LRRC7: variants seen among roughly 807,000 people sequenced by gnomAD.
LRRC7 encodes the protein leucine-rich repeat-containing protein 7.
Under a neutral mutation model 175.7 loss-of-function variants are expected in LRRC7, and 23 were observed. That is an observed-to-expected ratio of 0.13 (90% CI 0.09 to 0.19). The LOEUF (loss-of-function observed/expected upper bound fraction) is 0.19. LRRC7 is among the 10% of genes least tolerant of loss of function. The probability of loss-of-function intolerance (pLI) is 1.00; values close to 1 mark genes in which losing one functional copy is unlikely to be tolerated. For synonymous variants in LRRC7, 685 were observed against 680.9 expected, an observed-to-expected ratio of 1.01 and a Z score of -0.09; for missense variants, 1,354 against 1,904.7, an observed-to-expected ratio of 0.71 and a Z score of 5.38.
intron 2 of LRRC7, among the ~76,000 whole-genome samples, chr1:69,693,650 A>G (rs921295125): frequency 4.6e-5 from 7 of 152,210 alleles, no homozygotes; most frequent in African/African-American, 1.4e-4. Flanking sequence ...CTCATCCAAA[A>G]ACACCCTCAC....
At chr1:69,862,572 C>T (rs1684469720) in intron 7 of LRRC7, among the ~76,000 whole-genome samples, 1 of 152,134 alleles carries the variant, frequency 6.6e-6, no homozygotes, top group African/African-American at 2.4e-5. Flanking sequence ...AGAACAGAGT[C>T]TATTTGCCCT....
chr1:69,991,950 A>C (rs750750396), intron 10 of LRRC7, among the ~76,000 whole-genome samples: 3 of 152,114 alleles, frequency 2.0e-5, no homozygotes, highest in Non-Finnish European at 2.9e-5. Context: ...CTCAATAAAG[A>C]AAAATAAAAG....
At chr1:69,914,053 A>G (rs916400382) in intron 7 of LRRC7, among the ~76,000 whole-genome samples, 1 of 152,192 alleles carries the variant, frequency 6.6e-6, no homozygotes, top group Admixed American at 6.5e-5. Context: ...TTTAAGTGTC[A>G]TTAAGAGAGA....
chr1:69,633,871 T>A (rs1023055975), intron 1 of LRRC7, among the ~76,000 whole-genome samples: 4 of 152,118 alleles, frequency 2.6e-5, no homozygotes, highest in Admixed American at 2.0e-4. Flanking sequence ...ATTATCTTAA[T>A]GTTTGATTTC....
intron 25 of LRRC7, among the ~76,000 whole-genome samples, chr1:70,090,977 C>T (rs1054420386): frequency 2.0e-5 from 3 of 151,924 alleles, no homozygotes; most frequent in African/African-American, 2.4e-5. Context: ...AGAGGTTGGT[C>T]CAAAAGGAAG....
chr1:69,645,882 G>C (rs1306803091), intron 1 of LRRC7, among the ~76,000 whole-genome samples: 1 of 151,984 alleles, frequency 6.6e-6, no homozygotes, highest in Non-Finnish European at 1.5e-5. Flanking sequence ...GATTTTTCTA[G>C]TAAACATTTA....
At chr1:70,036,379 A>G in intron 19 of LRRC7, 65 bp from the exon 20 acceptor site, 1 of 1,501,424 alleles carries the variant, frequency 6.7e-7, no homozygotes, top group Non-Finnish European at 9.1e-7. Flanking sequence ...TCCATTTTTC[A>G]TACTTGCTTT....
At chr1:69,978,903 G>T (rs1570889980) in intron 8 of LRRC7, among the ~76,000 whole-genome samples, 2 of 119,738 alleles carry the variant, frequency 1.7e-5, no homozygotes, top group East Asian at 2.4e-4. Context: ...GTATTTTGTT[G>T]TTTCAGTAAG....
intron 7 of LRRC7, among the ~76,000 whole-genome samples, chr1:69,913,509 CT>C (rs1011582709): frequency 6.0e-5 from 9 of 150,860 alleles, no homozygotes; most frequent in African/African-American, 1.9e-4. Context: ...CAGAAGTTTC[CT>C]TTTTTTTTGT....
At chr1:69,889,462 G>A (rs948922329) in intron 7 of LRRC7, among the ~76,000 whole-genome samples, 8 of 152,026 alleles carry the variant, frequency 5.3e-5, no homozygotes, top group Non-Finnish European at 1.0e-4. Context: ...ATTCTTTCTT[G>A]TCATTTCAAC....
At chr1:70,027,191 T>C (rs1658210215) in intron 17 of LRRC7, among the ~76,000 whole-genome samples, 1 of 152,184 alleles carries the variant, frequency 6.6e-6, no homozygotes, top group Non-Finnish European at 1.5e-5. Flanking sequence ...TCTACTCAGA[T>C]GCAAAACAGT....
chr1:70,109,023 T>C (rs1665338363), intron 26 of LRRC7, among the ~76,000 whole-genome samples: 1 of 116,582 alleles, frequency 8.6e-6, no homozygotes. Flanking sequence ...TTTGTTTTTG[T>C]TTTTGTTTTT....
At chr1:69,904,904 A>T (rs995003606) in intron 7 of LRRC7, among the ~76,000 whole-genome samples, 2 of 152,096 alleles carry the variant, frequency 1.3e-5, no homozygotes, top group Admixed American at 6.5e-5. Flanking sequence ...TCCCACTTAT[A>T]ACTGAGAATA....
intron 1 of LRRC7, among the ~76,000 whole-genome samples, chr1:69,630,515 T>TATTATTTAATCTAAAATCTAA (rs1652319184): frequency 6.6e-6 from 1 of 152,146 alleles, no homozygotes; most frequent in Non-Finnish European, 1.5e-5. Context: ...TAGTAACGAA[T>TATTATTTAATCTAAAATCTAA]ATTATTTAAT....
At chr1:69,623,346 A>T (rs1467271185) in intron 1 of LRRC7, among the ~76,000 whole-genome samples, 3 of 152,126 alleles carry the variant, frequency 2.0e-5, no homozygotes, top group Non-Finnish European at 4.4e-5. Context: ...AAATGGAGTG[A>T]TTATCTATTG....
At chr1:69,678,126 T>C (rs1054934464) in intron 1 of LRRC7, among the ~76,000 whole-genome samples, 3 of 152,070 alleles carry the variant, frequency 2.0e-5, no homozygotes, top group Admixed American at 6.6e-5. Flanking sequence ...TCCATGGCAG[T>C]CTCTAATTAG....
At chr1:69,811,833 T>C (rs1677916491) in intron 4 of LRRC7, among the ~76,000 whole-genome samples, 1 of 152,106 alleles carries the variant, frequency 6.6e-6, no homozygotes, top group African/African-American at 2.4e-5. Flanking sequence ...GACAGGTTGA[T>C]GGGTGCAGCA....
chr1:69,800,202 T>C (rs898208706), intron 4 of LRRC7, among the ~76,000 whole-genome samples: 12 of 152,026 alleles, frequency 7.9e-5, no homozygotes, highest in African/African-American at 2.9e-4. Flanking sequence ...TTCTTTCTGC[T>C]CAGAAATGTT....
chr1:69,670,092 G>C (rs2100569473), intron 1 of LRRC7, among the ~76,000 whole-genome samples: 1 of 152,062 alleles, frequency 6.6e-6, no homozygotes, highest in East Asian at 1.9e-4. Context: ...GCCTTTTTTA[G>C]TTCATTTCAT....
Sources: gnomAD v4.1 joint callset for allele counts (sites outside exome capture counted in the v4.1 genomes callset) on GRCh38, gnomAD v4.1.1 for gene constraint, MANE v1.5 for transcripts, NCBI Gene and HGNC (gene_info 2026-07-23, HGNC 2026-07-21) for gene names.